Variants in SIPA1L1 observed in about 807,000 individuals in gnomAD.
SIPA1L1 encodes the protein signal induced proliferation associated 1 like 1, also known as signal-induced proliferation-associated 1-like protein 1.
Under a neutral mutation model 162.7 loss-of-function variants are expected in SIPA1L1, and 26 were observed. The ratio of observed to expected loss-of-function variants is 0.16; its 90% confidence interval spans 0.12 to 0.22. The LOEUF (loss-of-function observed/expected upper bound fraction) is 0.22, where lower values mean the gene tolerates loss of function less well. Among genes scored for constraint, SIPA1L1 ranks in the 10% least tolerant of loss-of-function variants. SIPA1L1 has a pLI of 1.00. For synonymous variants in SIPA1L1, 829 were observed against 837.4 expected, an observed-to-expected ratio of 0.99 and a Z score of 0.17; for missense variants, 1,874 against 2,241.0, an observed-to-expected ratio of 0.84 and a Z score of 3.31.
At chr14:71,591,388 G>A (rs944021267) in intron 5 of SIPA1L1, among the ~76,000 whole-genome samples, 1 of 152,108 alleles carries the variant, frequency 6.6e-6, no homozygotes, top group Non-Finnish European at 1.5e-5. Flanking sequence ...CTTAATCACT[G>A]TTCTCTGATC....
chr14:71,679,673 A>G (rs969292330), intron 12 of SIPA1L1, among the ~76,000 whole-genome samples: 27 of 152,242 alleles, frequency 1.8e-4, no homozygotes, highest in African/African-American at 5.8e-4. Context: ...TCAGTGTGCT[A>G]TATTCAGGAG....
chr14:71,631,364 G>A (rs929017740), intron 7 of SIPA1L1, among the ~76,000 whole-genome samples: 1 of 152,124 alleles, frequency 6.6e-6, no homozygotes, highest in African/African-American at 2.4e-5. Flanking sequence ...CTGCATAGTA[G>A]CATAGTATTT....
At position 71,507,316 on chromosome 14, in the gene SIPA1L1, A is replaced by G. The variant is rs551612448; in HGVS notation, c.-464-5427A>G. 5.4e-4 allele frequency among the ~76,000 whole-genome samples: 82 copies of G among 152,276 alleles called. 1 individual carries two copies. The highest frequency in any genetic ancestry group is 9.2e-4 in the Admixed American group (14 of 15,294). On this transcript the variant is annotated intron_variant, in intron 2 of 23. Transcript: ENST00000381232. ...TTCCCGCCTGTTTGTTTCATTTGAA[A>G]GTGTTTTTAACATGTAAGATGAATT...
chr14:71,405,874 A>G (rs188221345), intron 2 of SIPA1L1, among the ~76,000 whole-genome samples: 1 of 152,292 alleles, frequency 6.6e-6, no homozygotes, highest in African/African-American at 2.4e-5. Context: ...CATTCTTCAC[A>G]TTTCTTGATA....
chr14:71,385,687 T>C (rs1328842144), intron 2 of SIPA1L1, among the ~76,000 whole-genome samples: 6 of 20,282 alleles, frequency 3.0e-4, no homozygotes, highest in Non-Finnish European at 4.7e-4. Context: ...TTGTACATTC[T>C]TTTTTTTTTT....
At chr14:71,424,051 C>T (rs2043383437) in intron 2 of SIPA1L1, among the ~76,000 whole-genome samples, 1 of 151,846 alleles carries the variant, frequency 6.6e-6, no homozygotes, top group African/African-American at 2.4e-5. Flanking sequence ...TCTTTTGATG[C>T]GTTTTTGTAA....
intron 2 of SIPA1L1, among the ~76,000 whole-genome samples, chr14:71,335,854 A>T (rs573649813): frequency 1.3e-5 from 2 of 152,324 alleles, no homozygotes; most frequent in African/African-American, 4.8e-5. Flanking sequence ...AAGAAACTGA[A>T]CCATAGGTAC....
At chr14:71,330,362 G>A (rs899776290) in intron 2 of SIPA1L1, 6 of 899,698 alleles carry the variant, frequency 6.7e-6, no homozygotes, top group Non-Finnish European at 1.1e-5. Flanking sequence ...TCTTTTTGGC[G>A]ATGAAAATTG....
rs1441723288 is a variant in SIPA1L1, at chr14:71,685,572, A to G, written c.3315A>G (p.Pro1105=). 2 of 1,614,242 alleles carry G rather than the reference A, an allele frequency of 1.2e-6. No individual in the cohort carries two copies. The highest frequency in any genetic ancestry group is 8.5e-7 in the Non-Finnish European group (1 of 1,180,056). The stretch of plus-strand genomic sequence containing the variant: ...AAGGAGATGGGAAGATGCCTCCTCC[A>G]GAAAGAGCCGCCAACATCCCTCGAA... ...AGKGDGKMPP[P]ERAANIPRSI... Residue 1105 remains proline, a synonymous_variant, in exon 13 of 24, where the codon CCA becomes CCG. Coordinates refer to ENST00000381232, the MANE Select transcript of SIPA1L1 (RefSeq NM_001386936.1).
intron 2 of SIPA1L1, among the ~76,000 whole-genome samples, chr14:71,341,249 A>G (rs1485496716): frequency 2.0e-5 from 3 of 152,258 alleles, no homozygotes; most frequent in African/African-American, 7.2e-5. Flanking sequence ...ATAACCACAG[A>G]GTTTTTTCTA....
intron 2 of SIPA1L1, among the ~76,000 whole-genome samples, chr14:71,392,505 AT>A (rs1267189204): frequency 1.1e-4 from 16 of 152,284 alleles, no homozygotes; most frequent in Non-Finnish European, 2.1e-4. Flanking sequence ...TAGTTACTTC[AT>A]AACACATACC....
chr14:71,728,048 G>A (rs771805616), intron 19 of SIPA1L1, among the ~76,000 whole-genome samples: 2 of 152,256 alleles, frequency 1.3e-5, no homozygotes, highest in Admixed American at 6.5e-5. Flanking sequence ...TAGAATTGGC[G>A]GAGGGTTTCA....
intron 12 of SIPA1L1, among the ~76,000 whole-genome samples, chr14:71,673,500 T>G (rs1345821099): frequency 6.6e-6 from 1 of 152,212 alleles, no homozygotes; most frequent in East Asian, 1.9e-4. Context: ...ACCTGAGCTC[T>G]CATGGATTTG....
intron 3 of SIPA1L1, among the ~76,000 whole-genome samples, chr14:71,522,709 T>C (rs1013665425): frequency 6.6e-6 from 1 of 152,046 alleles, no homozygotes; most frequent in Non-Finnish European, 1.5e-5. Context: ...TTTTTTTTTT[T>C]TTGAGATGGA....
At chr14:71,466,773 G>C (rs550339559) in intron 2 of SIPA1L1, among the ~76,000 whole-genome samples, 1 of 152,194 alleles carries the variant, frequency 6.6e-6, no homozygotes, top group South Asian at 2.1e-4. Context: ...GATGTTCATG[G>C]TCTCAAGCAC....
At chr14:71,666,129 G>A (rs1427114852) in intron 10 of SIPA1L1, among the ~76,000 whole-genome samples, 11 of 152,230 alleles carry the variant, frequency 7.2e-5, no homozygotes, top group African/African-American at 2.6e-4. Context: ...AGACAAATAT[G>A]TGCCTCATAA....
At chr14:71,518,430 A>G (rs1227565966) in intron 3 of SIPA1L1, among the ~76,000 whole-genome samples, 3 of 152,218 alleles carry the variant, frequency 2.0e-5, no homozygotes, top group South Asian at 2.1e-4. Flanking sequence ...AAATAATTCA[A>G]CCTTTCTCCA....
chr14:71,624,286 G>A, intron 7 of SIPA1L1, 50 bp downstream of exon 7: 1 of 1,478,498 alleles, frequency 6.8e-7, no homozygotes, highest in South Asian at 1.3e-5. Context: ...TTATTGCTAG[G>A]CTTCCGGAAT....
At chr14:71,329,622 TTTAAA>T (rs933562889) in intron 2 of SIPA1L1, among the ~76,000 whole-genome samples, 2 of 152,068 alleles carry the variant, frequency 1.3e-5, no homozygotes, top group Non-Finnish European at 2.9e-5. Flanking sequence ...AAAAAAACAA[TTTAAA>T]TAGGAACCAT....
Sources: gnomAD v4.1 joint callset for allele counts (sites outside exome capture counted in the v4.1 genomes callset) on GRCh38, gnomAD v4.1.1 for gene constraint, MANE v1.5 for transcripts, NCBI Gene and HGNC (gene_info 2026-07-23, HGNC 2026-07-21) for gene names.